The following DAB1 variants were observed in gnomAD, a reference collection of about 807,000 sequenced individuals.
DAB1 encodes the protein DAB adaptor protein 1.
A neutral mutation model predicts 64.6 loss-of-function variants in DAB1; 15 were observed. That is an observed-to-expected ratio of 0.23 (90% CI 0.16 to 0.36). The LOEUF is 0.36. Among genes scored for constraint, DAB1 ranks in the 10% least tolerant of loss-of-function variants. DAB1 has a pLI of 1.00. For synonymous variants in DAB1, 235 were observed against 251.9 expected (o/e 0.93, Z 0.64); for missense variants, 596 against 706.7 (o/e 0.84, Z 1.78).
chr1:57,328,856 T>C (rs1240142754), intron 1 of DAB1, among the ~76,000 whole-genome samples: 1 of 152,220 alleles, frequency 6.6e-6, no homozygotes, highest in Admixed American at 6.5e-5. Flanking sequence ...GATAAAATCA[T>C]ATATCTGACC....
intron 2 of DAB1, among the ~76,000 whole-genome samples, chr1:57,225,656 T>G (rs1553158195): frequency 6.6e-6 from 1 of 152,190 alleles, no homozygotes; most frequent in Non-Finnish European, 1.5e-5. Flanking sequence ...GATACAAGAT[T>G]GCAATGTATT....
At chr1:58,019,527 A>G (rs371165219) in intron 5 of DAB1, among the ~76,000 whole-genome samples, 2 of 152,192 alleles carry the variant, frequency 1.3e-5, no homozygotes, top group East Asian at 3.8e-4. Flanking sequence ...TAAGCTAGAC[A>G]CTATCCTAGA....
rs566896525 is a variant in DAB1, at chr1:57,457,045, G to T, written n.626-165879C>A. On this transcript the variant is annotated intron_variant and non_coding_transcript_variant, in intron 7 of 20. Coordinates refer to the DAB1 transcript ENST00000485760. ...ATGGCAATGTGATGAATTCTGCGAG[G>T]CCCCATTTTCACAAATGAAATTATA... 4.6e-5 allele frequency among the ~76,000 whole-genome samples: 7 copies of T among 152,166 alleles called. No individual in the cohort carries two copies. In the South Asian group the frequency reaches 1.2e-3, roughly 27 times the overall value.
At chr1:57,329,758 C>T (rs190388300) in intron 1 of DAB1, among the ~76,000 whole-genome samples, 45 of 151,824 alleles carry the variant, frequency 3.0e-4, no homozygotes, top group African/African-American at 9.2e-4. Context: ...AGAAGACACT[C>T]AGAACTGCAG....
chr1:58,033,744 C>T (rs1647003931), intron 5 of DAB1, among the ~76,000 whole-genome samples: 1 of 152,182 alleles, frequency 6.6e-6, no homozygotes, highest in African/African-American at 2.4e-5. Context: ...TACTACTCTA[C>T]ATTTTGAAGA....
chr1:57,611,907 C>T (rs1199644191), intron 7 of DAB1, among the ~76,000 whole-genome samples: 1 of 152,148 alleles, frequency 6.6e-6, no homozygotes, highest in African/African-American at 2.4e-5. Flanking sequence ...AATTCCATAC[C>T]TGACTTCCTT....
At chr1:57,400,579 A>C (rs1683163774) in intron 1 of DAB1, among the ~76,000 whole-genome samples, 1 of 151,646 alleles carries the variant, frequency 6.6e-6, no homozygotes, top group Non-Finnish European at 1.5e-5. Context: ...AACAAGCCAG[A>C]AAAAGTATTT....
chr1:58,454,127 C>A (rs1645166912), intron 3 of DAB1, among the ~76,000 whole-genome samples: 1 of 152,204 alleles, frequency 6.6e-6, no homozygotes, highest in Non-Finnish European at 1.5e-5. Flanking sequence ...TGGGCTTCGA[C>A]TGGGCATTCA....
chr1:57,506,162 A>G (rs936586342), intron 7 of DAB1, among the ~76,000 whole-genome samples: 3 of 152,210 alleles, frequency 2.0e-5, no homozygotes, highest in Non-Finnish European at 4.4e-5. Context: ...TGTTGAAATG[A>G]TTTGATTTGG....
intron 5 of DAB1, among the ~76,000 whole-genome samples, chr1:57,912,696 A>G (rs6698981): frequency 6.6e-6 from 1 of 151,950 alleles, no homozygotes; most frequent in Non-Finnish European, 1.5e-5. Context: ...AGAAAGCCCC[A>G]TCGTCTCGGC....
At chr1:57,728,518 C>T (rs893555200) in intron 6 of DAB1, among the ~76,000 whole-genome samples, 12 of 151,590 alleles carry the variant, frequency 7.9e-5, no homozygotes, top group African/African-American at 2.7e-4. Flanking sequence ...GGCGTGAACC[C>T]GGGAGGCAGA....
chr1:57,078,072 T>C (rs1156283997), intron 4 of DAB1, among the ~76,000 whole-genome samples: 1 of 152,184 alleles, frequency 6.6e-6, no homozygotes, highest in African/African-American at 2.4e-5. Context: ...TTCTCTTTTC[T>C]AACATATTTT....
intron 4 of DAB1, among the ~76,000 whole-genome samples, chr1:57,105,208 G>A (rs1471725507): frequency 2.0e-5 from 3 of 151,872 alleles, no homozygotes; most frequent in Non-Finnish European, 2.9e-5. Context: ...CTAGTAAACA[G>A]CAAACACCCT....
At chr1:58,149,426 A>G (rs1654795723) in intron 5 of DAB1, among the ~76,000 whole-genome samples, 1 of 152,174 alleles carries the variant, frequency 6.6e-6, no homozygotes, top group African/African-American at 2.4e-5. Context: ...TTAAGACTTT[A>G]GGGCAGGCAT....
chr1:57,044,938 A>T (rs1256948728), intron 9 of DAB1, among the ~76,000 whole-genome samples: 1 of 152,172 alleles, frequency 6.6e-6, no homozygotes, highest in Non-Finnish European at 1.5e-5. Flanking sequence ...ATGTGCATTC[A>T]TATATTACCT....
chr1:57,614,531 C>A (rs1645766210), intron 7 of DAB1, among the ~76,000 whole-genome samples: 1 of 152,256 alleles, frequency 6.6e-6, no homozygotes, highest in Non-Finnish European at 1.5e-5. Flanking sequence ...CTCCCTCCCA[C>A]AAAAGCTAAA....
At chr1:57,974,609 T>C (rs2802899) in intron 5 of DAB1, among the ~76,000 whole-genome samples, 144,873 of 152,078 alleles carry the variant, frequency 0.95, 69,428 homozygotes, top group East Asian at 1. Context: ...TTGAAAAAGA[T>C]CCCTAGGTGA....
intron 3 of DAB1, among the ~76,000 whole-genome samples, chr1:58,355,321 A>G (rs1175908101): frequency 1.3e-5 from 2 of 152,220 alleles, no homozygotes; most frequent in Non-Finnish European, 2.9e-5. Context: ...GTGAATTGAA[A>G]GGCTATATTG....
chr1:57,368,113 C>G (rs1283292152), intron 1 of DAB1, among the ~76,000 whole-genome samples: 1 of 152,248 alleles, frequency 6.6e-6, no homozygotes, highest in Non-Finnish European at 1.5e-5. Context: ...TGTGCACACA[C>G]TCAGGGCACT....
Sources: gnomAD v4.1 joint callset for allele counts (sites outside exome capture counted in the v4.1 genomes callset) on GRCh38, gnomAD v4.1.1 for gene constraint, MANE v1.5 for transcripts, NCBI Gene and HGNC (gene_info 2026-07-23, HGNC 2026-07-21) for gene names.